COMMD1: variants seen among roughly 807,000 people sequenced by gnomAD.
COMMD1 encodes copper metabolism domain containing 1.
Under a neutral mutation model 17.2 loss-of-function variants are expected in COMMD1, and 10 were observed. The observed-to-expected ratio is 0.58, with a 90% CI of 0.36 to 0.99. The LOEUF is 0.99. Among genes scored for constraint, COMMD1 ranks in the 50% least tolerant of loss-of-function variants. COMMD1 has a pLI of 0.01. For synonymous variants in COMMD1, 97 were observed against 91.6 expected (o/e 1.06, Z -0.34); for missense variants, 270 against 231.8 (o/e 1.17, Z -1.07).
At chr2:62,132,647 C>A (rs1339351833) in intron 2 of COMMD1, among the ~76,000 whole-genome samples, 2 of 152,156 alleles carry the variant, frequency 1.3e-5, no homozygotes, top group Non-Finnish European at 2.9e-5. Flanking sequence ...GAGTTCGAGA[C>A]CAGCCTGGCC....
chr2:62,050,361 C>G (rs116825739), intron 2 of COMMD1, among the ~76,000 whole-genome samples: 1,845 of 152,184 alleles, frequency 0.012, 43 homozygotes, highest in African/African-American at 0.043. Context: ...GAATAGAAAT[C>G]TCTAGTACTA....
intron 2 of COMMD1, among the ~76,000 whole-genome samples, chr2:62,041,963 C>T (rs949696204): frequency 3.3e-5 from 5 of 152,228 alleles, no homozygotes; most frequent in African/African-American, 1.2e-4. Flanking sequence ...GGAAGAGGAC[C>T]TCAGCGGCTT....
intron 2 of COMMD1, among the ~76,000 whole-genome samples, chr2:62,074,390 T>C (rs10181160): frequency 0.013 from 1,962 of 152,300 alleles, 29 homozygotes; most frequent in African/African-American, 0.044. Flanking sequence ...CTGAGTTATC[T>C]CATTAGCATG....
intron 1 of COMMD1, among the ~76,000 whole-genome samples, chr2:61,930,657 G>GTGT (rs1670442808): frequency 6.7e-6 from 1 of 150,012 alleles, no homozygotes; most frequent in African/African-American, 2.5e-5. Flanking sequence ...GTGTGTGTGT[G>GTGT]AGTGAGTGTT....
In COMMD1 at chr2:62,128,326, T is replaced by TA. The variant is rs1309594214; in HGVS notation, c.463-7497dup. Among the ~76,000 whole-genome samples, 119 of 112,272 alleles carry TA rather than the reference T, an allele frequency of 1.1e-3. 1 individual carries two copies. Among genetic ancestry groups the TA allele is most frequent in the African/African-American group, 2.8e-3 (88 of 31,082 alleles). The allele number at this position is 112,272 out of a possible 152,430, so 73.7% of individuals were successfully genotyped here. ...CTGGGCGACAGTGTGAGACTCTGTC[T>TA]AAAAAAAAGAAAAAAAAAAAACAAA... is the stretch of plus-strand genomic sequence containing the variant. On this transcript the variant is annotated intron_variant, in intron 2 of 2. Transcript: ENST00000311832.
At chr2:62,015,881 G>A (rs1167741967) in intron 2 of COMMD1, among the ~76,000 whole-genome samples, 4 of 151,840 alleles carry the variant, frequency 2.6e-5, no homozygotes, top group African/African-American at 4.8e-5. Flanking sequence ...CTCCCAGGCC[G>A]GAGTGCAGTG....
chr2:61,998,585 T>C (rs1278215707), intron 1 of COMMD1, among the ~76,000 whole-genome samples: 1 of 152,220 alleles, frequency 6.6e-6, no homozygotes, highest in Admixed American at 6.5e-5. Flanking sequence ...GTCATTTGTG[T>C]GTGCACTGGA....
At chr2:61,999,377 A>G (rs187913459) in intron 1 of COMMD1, among the ~76,000 whole-genome samples, 17 of 152,332 alleles carry the variant, frequency 1.1e-4, no homozygotes, top group African/African-American at 3.1e-4. Context: ...AAAGTAGTAT[A>G]TAATTTCACA....
rs1232080472 is a variant in COMMD1 at position 61,968,155 on chromosome 2, C to A, written c.181-32546C>A. ...CTGCCTGGGTGACACAGTGAGACTC[C>A]CTCTCAGAAAAAAAAAAGAAAACAA... On this transcript the variant is annotated intron_variant, in intron 1 of 2. Coordinates refer to ENST00000311832, the MANE Select transcript of COMMD1 (RefSeq NM_152516.4). Among the ~76,000 whole-genome samples, 50 of 149,276 alleles carry A rather than the reference C, an allele frequency of 3.3e-4. 1 individual carries two copies. Among genetic ancestry groups the A allele is most frequent in the Admixed American group, 3.3e-3 (50 of 15,132 alleles).
At chr2:61,997,735 T>C (rs1392529475) in intron 1 of COMMD1, among the ~76,000 whole-genome samples, 2 of 152,158 alleles carry the variant, frequency 1.3e-5, no homozygotes, top group African/African-American at 2.4e-5. Context: ...GAATGGTAAA[T>C]GAGCATTGGC....
chr2:61,992,653 A>G (rs888444227), intron 1 of COMMD1, among the ~76,000 whole-genome samples: 9 of 152,224 alleles, frequency 5.9e-5, no homozygotes, highest in African/African-American at 2.2e-4. Flanking sequence ...AGGATGCCGA[A>G]CATCCCTAGC....
In COMMD1 at chr2:61,968,394, G is replaced by A. The variant is rs1363527581; in HGVS notation, c.181-32307G>A. ...CAAATTCTCTTTGCTTAATTTTAGG[G>A]AAATTGAAGCCCAGAGAATACATTT... On this transcript the variant is annotated intron_variant, in intron 1 of 2. Transcript: ENST00000311832. Among the ~76,000 whole-genome samples, 8 of 152,108 alleles carry A rather than the reference G, an allele frequency of 5.3e-5. No individual in the cohort carries two copies. The East Asian group carries it at 1.5e-3, about 29-fold the overall frequency.
At chr2:62,133,326 C>A (rs1673093775) in intron 2 of COMMD1, among the ~76,000 whole-genome samples, 1 of 152,126 alleles carries the variant, frequency 6.6e-6, no homozygotes, top group Non-Finnish European at 1.5e-5. Context: ...CAAAGTGACA[C>A]CCTCCTTCTG....
At chr2:62,063,733 C>A (rs1289481560) in intron 2 of COMMD1, among the ~76,000 whole-genome samples, 1 of 151,250 alleles carries the variant, frequency 6.6e-6, no homozygotes, top group Non-Finnish European at 1.5e-5. Flanking sequence ...TAGCATTTTT[C>A]TTTGAGATTG....
intron 2 of COMMD1, among the ~76,000 whole-genome samples, chr2:62,129,748 T>C (rs1287104851): frequency 6.6e-6 from 1 of 152,192 alleles, no homozygotes; most frequent in Non-Finnish European, 1.5e-5. Flanking sequence ...CTTTCTCTCT[T>C]TCTCTCCCCT....
intron 1 of COMMD1, among the ~76,000 whole-genome samples, chr2:61,908,362 G>GC (rs1164065205): frequency 5.9e-5 from 9 of 151,846 alleles, no homozygotes; most frequent in African/African-American, 1.7e-4. Context: ...GAGTAGCTGG[G>GC]ACTGCAGGCA....
chr2:61,953,077 T>G (rs976342848), intron 1 of COMMD1, among the ~76,000 whole-genome samples: 4 of 152,156 alleles, frequency 2.6e-5, no homozygotes, highest in African/African-American at 9.7e-5. Context: ...TGGCATGATC[T>G]CAGCTCACTG....
chr2:62,078,540 G>A (rs1195297283), intron 2 of COMMD1, among the ~76,000 whole-genome samples: 14 of 133,106 alleles, frequency 1.1e-4, no homozygotes, highest in Non-Finnish European at 1.6e-4. Flanking sequence ...GCTACAGAGC[G>A]AGACTCCGTC....
Position 62,057,736 on chromosome 2 carries a change from AT to A in COMMD1, c.462+56766del, listed in dbSNP as rs879487759. Among the ~76,000 whole-genome samples the A allele has an allele frequency of 6.4e-3, 936 of 145,694 alleles. 9 individuals carry two copies. The highest frequency in any genetic ancestry group is 0.021 in the African/African-American group (822 of 40,020). Reference sequence around the variant, plus strand: ...AGGCATGCACCACCATACCTGGCTAATTTTTTTTTTTTCTCTGTAGAGGCAC... The same window carrying A: ...AGGCATGCACCACCATACCTGGCTAATTTTTTTTTTTCTCTGTAGAGGCAC... On this transcript the variant is annotated intron_variant, in intron 2 of 2. Coordinates refer to ENST00000311832, the MANE Select transcript of COMMD1 (RefSeq NM_152516.4).
Sources: allele counts gnomAD v4.1 joint callset (sites outside exome capture counted in the v4.1 genomes callset), GRCh38; gene constraint gnomAD v4.1.1; transcripts MANE v1.5; gene names NCBI Gene and HGNC (gene_info 2026-07-23, HGNC 2026-07-21).